FAF1: variants seen among roughly 807,000 people sequenced by gnomAD.
FAF1 encodes FAS-associated factor 1.
FAF1 carries 25 observed loss-of-function variants against 92.5 expected under a neutral mutation model. That is an observed-to-expected ratio of 0.27 (90% CI 0.20 to 0.38). The LOEUF (loss-of-function observed/expected upper bound fraction) is 0.38. FAF1 is among the 10% of genes least tolerant of loss of function. The pLI is 1.00. For missense variants in FAF1, 636 were observed against 793.3 expected (o/e 0.80, Z 2.38); for synonymous variants, 234 against 273.2 (o/e 0.86, Z 1.42).
chr1:50,604,823 C>G (rs985589102), intron 8 of FAF1, among the ~76,000 whole-genome samples: 3 of 152,308 alleles, frequency 2.0e-5, no homozygotes, highest in Non-Finnish European at 4.4e-5. Flanking sequence ...CCACACCCAG[C>G]CAGCTATGTG....
At chr1:50,820,861 G>A (rs1002417218) in intron 2 of FAF1, among the ~76,000 whole-genome samples, 3 of 152,132 alleles carry the variant, frequency 2.0e-5, no homozygotes, top group African/African-American at 7.2e-5. Flanking sequence ...GTGTGTGTGT[G>A]TGTGTACACA....
Position 50,663,756 on chromosome 1 carries a change from T to C in FAF1, c.658-8228A>G, listed in dbSNP as rs1263851901. Among the ~76,000 whole-genome samples, 5 of 151,756 alleles carry C rather than the reference T, an allele frequency of 3.3e-5. 1 individual carries two copies. The highest frequency in any genetic ancestry group is 1.3e-4 in the Admixed American group (2 of 15,272). On this transcript the variant is annotated intron_variant, in intron 7 of 18. Coordinates refer to ENST00000396153, the MANE Select transcript of FAF1 (RefSeq NM_007051.3). ...ATATATAGGCTCTTCCAGAGAGCCA[T>C]GCCTCTCAAGTTTACTGATACTAAA...
intron 4 of FAF1, among the ~76,000 whole-genome samples, chr1:50,771,188 C>T (rs1015883453): frequency 1.3e-5 from 2 of 151,916 alleles, no homozygotes; most frequent in Admixed American, 1.3e-4. Context: ...GGACATAGGC[C>T]CTGGCAAAGA....
intron 1 of FAF1, among the ~76,000 whole-genome samples, chr1:50,904,724 AAAT>A (rs777233888): frequency 6.6e-5 from 10 of 152,146 alleles, no homozygotes; most frequent in Non-Finnish European, 1.5e-4. Flanking sequence ...TAATGGTCCT[AAAT>A]AATAATGTTT....
chr1:50,769,577 A>G (rs1660704492), intron 4 of FAF1, among the ~76,000 whole-genome samples: 1 of 152,248 alleles, frequency 6.6e-6, no homozygotes, highest in African/African-American at 2.4e-5. Context: ...CCGGCTGCAC[A>G]TCCAAAAGCT....
At chr1:50,835,079 A>G (rs1485395600) in intron 2 of FAF1, among the ~76,000 whole-genome samples, 1 of 152,234 alleles carries the variant, frequency 6.6e-6, no homozygotes, top group Non-Finnish European at 1.5e-5. Flanking sequence ...GCTGAAGAGT[A>G]GCACAGATGT....
At chr1:50,776,760 A>G (rs1208223793) in intron 4 of FAF1, among the ~76,000 whole-genome samples, 5 of 152,190 alleles carry the variant, frequency 3.3e-5, no homozygotes, top group Non-Finnish European at 5.9e-5. Flanking sequence ...TGGATAATAG[A>G]AATATTTGTC....
At position 50,688,538 on chromosome 1, in the gene FAF1, C is replaced by T. The variant is rs576510667; in HGVS notation, c.657+17248G>A. Among the ~76,000 whole-genome samples the T allele has an allele frequency of 1.3e-3, 191 of 152,262 alleles. 4 individuals are homozygous for T. The South Asian group carries it at 0.036, about 29-fold the overall frequency. ...AAAAAATAATAAAATTCCGGCCAGG[C>T]GCGGTGGCTCACGCCTGTAATCATA... is the stretch of plus-strand genomic sequence containing the variant. On this transcript the variant is annotated intron_variant, in intron 7 of 18. Coordinates refer to ENST00000396153, the MANE Select transcript of FAF1 (RefSeq NM_007051.3).
At chr1:50,874,076 T>C (rs1461871481) in intron 1 of FAF1, among the ~76,000 whole-genome samples, 1 of 152,178 alleles carries the variant, frequency 6.6e-6, no homozygotes, top group Non-Finnish European at 1.5e-5. Context: ...GATAAAACCA[T>C]TGCAATGACA....
intron 7 of FAF1, among the ~76,000 whole-genome samples, chr1:50,675,650 T>C (rs1656085857): frequency 6.6e-6 from 1 of 152,232 alleles, no homozygotes; most frequent in Admixed American, 6.5e-5. Flanking sequence ...ATTTAAAACA[T>C]GCTGGGACCC....
At chr1:50,622,102 T>A (rs1007946720) in intron 8 of FAF1, among the ~76,000 whole-genome samples, 36 of 149,916 alleles carry the variant, frequency 2.4e-4, no homozygotes, top group African/African-American at 8.1e-4. Context: ...GAGGTGGAGG[T>A]TGCAGTGAGC....
intron 4 of FAF1, among the ~76,000 whole-genome samples, chr1:50,761,551 T>C (rs1205367898): frequency 1.3e-5 from 2 of 152,114 alleles, no homozygotes; most frequent in African/African-American, 2.4e-5. Context: ...AATCAATAAA[T>C]GTAATCCAGC....
At chr1:50,674,156 T>C (rs1037692713) in intron 7 of FAF1, among the ~76,000 whole-genome samples, 2 of 152,190 alleles carry the variant, frequency 1.3e-5, no homozygotes, top group East Asian at 3.8e-4. Flanking sequence ...TTTCACCATG[T>C]TGGTCAGGTT....
At chr1:50,855,195 T>TA (rs1195785596) in intron 2 of FAF1, among the ~76,000 whole-genome samples, 1 of 151,858 alleles carries the variant, frequency 6.6e-6, no homozygotes, top group Non-Finnish European at 1.5e-5. Context: ...AGAGATCATG[T>TA]GTCTTATTGA....
chr1:50,449,899 T>C lies in FAF1; in HGVS notation c.1870-8376A>G, dbSNP rs975495953. ...TAAGTAATTATTAACATCATCCCTA[T>C]AAAAAGTTACCATGGCTGGGTGTGG... On this transcript the variant is annotated intron_variant, in intron 18 of 18. Transcript: ENST00000396153. 3.9e-5 allele frequency among the ~76,000 whole-genome samples: 6 copies of C among 151,950 alleles called. No homozygotes were observed. The South Asian group carries it at 6.2e-4, about 16-fold the overall frequency.
At chr1:50,692,256 TG>T (rs1656966869) in intron 7 of FAF1, among the ~76,000 whole-genome samples, 1 of 145,346 alleles carries the variant, frequency 6.9e-6, no homozygotes, top group African/African-American at 2.5e-5. Flanking sequence ...TGTGTGTGTG[TG>T]TGTGTGTGTG....
intron 1 of FAF1, among the ~76,000 whole-genome samples, chr1:50,937,362 G>T (rs1645096038): frequency 6.6e-6 from 1 of 152,012 alleles, no homozygotes; most frequent in Admixed American, 6.6e-5. Flanking sequence ...GAAAAATTAG[G>T]ACTTAGATAA....
chr1:50,639,084 C>T (rs920284611), intron 8 of FAF1, among the ~76,000 whole-genome samples: 2 of 152,176 alleles, frequency 1.3e-5, no homozygotes, highest in Non-Finnish European at 2.9e-5. Context: ...GTGATGTAGT[C>T]TTTGTGCCTG....
chr1:50,611,595 A>T (rs1652687386), intron 8 of FAF1, among the ~76,000 whole-genome samples: 1 of 152,242 alleles, frequency 6.6e-6, no homozygotes, highest in South Asian at 2.1e-4. Context: ...ACTCAAGGAA[A>T]CATGAGATGA....
Sources: allele counts gnomAD v4.1 joint callset (sites outside exome capture counted in the v4.1 genomes callset), GRCh38; gene constraint gnomAD v4.1.1; transcripts MANE v1.5; gene names NCBI Gene and HGNC (gene_info 2026-07-23, HGNC 2026-07-21).